Variants in STPG2 observed in about 807,000 individuals in gnomAD.
STPG2 encodes the protein sperm-tail PG-rich repeat-containing protein 2.
Under a neutral mutation model 54.2 loss-of-function variants are expected in STPG2, and 56 were observed. The observed-to-expected ratio is 1.03, with a 90% CI of 0.83 to 1.29. The LOEUF is 1.29. Ranked by LOEUF, STPG2 falls within the 50% of genes most tolerant of loss-of-function variation. The pLI, the probability that STPG2 is intolerant of heterozygous loss-of-function variation, is 0.00. For synonymous variants in STPG2, 200 were observed against 181.8 expected (o/e 1.10, Z -0.81); for missense variants, 596 against 544.9 (o/e 1.09, Z -0.93).
intron 8 of STPG2, among the ~76,000 whole-genome samples, chr4:97,908,502 A>G (rs1041730594): frequency 2.3e-4 from 35 of 151,798 alleles, no homozygotes; most frequent in Non-Finnish European, 4.4e-4. Flanking sequence ...TGACCCAGCC[A>G]TCCCATTACT....
At chr4:97,676,052 TATATATACTAA>T (rs892876633) in intron 10 of STPG2, among the ~76,000 whole-genome samples, 8 of 145,410 alleles carry the variant, frequency 5.5e-5, no homozygotes, top group African/African-American at 2.0e-4. Flanking sequence ...ATTACTAAAA[TATATATACTAA>T]ATATATACTA....
At chr4:97,498,043 T>C (rs1378456154) in intron 4 of STPG2, among the ~76,000 whole-genome samples, 1 of 151,908 alleles carries the variant, frequency 6.6e-6, no homozygotes, top group South Asian at 2.1e-4. Context: ...AAGTGAACTC[T>C]AGTGAAAGAT....
chr4:97,744,962 A>G (rs973816679), intron 9 of STPG2, among the ~76,000 whole-genome samples: 2 of 151,268 alleles, frequency 1.3e-5, no homozygotes, highest in African/African-American at 2.4e-5. Flanking sequence ...ATAAAACAAC[A>G]CTGCAATGCT....
chr4:98,020,777 T>C (rs1023855176), intron 5 of STPG2, among the ~76,000 whole-genome samples: 5 of 152,216 alleles, frequency 3.3e-5, no homozygotes, highest in Admixed American at 2.6e-4. Context: ...ATTTATCCAT[T>C]TCTTCAAGAT....
intron 10 of STPG2, among the ~76,000 whole-genome samples, chr4:97,632,299 T>A (rs1578438196): frequency 1.3e-5 from 2 of 151,356 alleles, no homozygotes; most frequent in Non-Finnish European, 3.0e-5. Flanking sequence ...TTTTTTTTTT[T>A]ATTTCTGAGC....
chr4:98,068,647 T>TTCTTCTAATTC (rs1737905282), intron 5 of STPG2, among the ~76,000 whole-genome samples: 1 of 152,110 alleles, frequency 6.6e-6, no homozygotes, highest in African/African-American at 2.4e-5. Context: ...GTTCCAGAAG[T>TTCTTCTAATTC]TGTGTGTAGG....
rs187553197 is a variant in STPG2, at chr4:97,852,532, C to T, written c.1045-11600G>A. ...TTATCCTGTGAGATTGTCAGTGAGACGAATTGTAGAACTATTCATATTTGG... is the reference window on the plus strand; with the variant it reads ...TTATCCTGTGAGATTGTCAGTGAGATGAATTGTAGAACTATTCATATTTGG... On this transcript the variant is annotated intron_variant, in intron 8 of 10. Coordinates refer to ENST00000295268, the MANE Select transcript of STPG2 (RefSeq NM_174952.3). Among the ~76,000 whole-genome samples, 12 of 152,192 alleles carry T rather than the reference C, an allele frequency of 7.9e-5. 1 individual carries two copies. The highest frequency in any genetic ancestry group is 3.9e-4 in the Admixed American group (6 of 15,280).
chr4:97,734,422 C>T (rs1724905576), intron 9 of STPG2, among the ~76,000 whole-genome samples: 1 of 152,162 alleles, frequency 6.6e-6, no homozygotes, highest in South Asian at 2.1e-4. Flanking sequence ...CTCCTCCCAA[C>T]CTCCACTCTC....
intron 7 of STPG2, among the ~76,000 whole-genome samples, chr4:97,971,427 T>G (rs201445108): frequency 6.6e-6 from 1 of 152,014 alleles, no homozygotes; most frequent in Non-Finnish European, 1.5e-5. Context: ...GATAGACTAG[T>G]TTAAGAAAAT....
chr4:97,917,038 A>G (rs1215232677), intron 8 of STPG2: 1 of 152,654 alleles, frequency 6.6e-6, no homozygotes, highest in African/African-American at 2.4e-5. Flanking sequence ...TCAGTGACAC[A>G]TTCTTCAGCC....
intron 8 of STPG2, among the ~76,000 whole-genome samples, chr4:97,923,306 C>T (rs1450867724): frequency 2.0e-5 from 3 of 151,886 alleles, no homozygotes; most frequent in Non-Finnish European, 2.9e-5. Flanking sequence ...CCTCCCACCC[C>T]CCCCGCCATG....
At position 97,856,513 on chromosome 4, in the gene STPG2, A is replaced by G. The variant is rs116110266; in HGVS notation, c.1045-15581T>C. ...GGCAATTTTTGCACATTGATTTTGTATCCCCAGAGTTTGCTGAAGTTGTTT... is the reference window on the plus strand; with the variant it reads ...GGCAATTTTTGCACATTGATTTTGTGTCCCCAGAGTTTGCTGAAGTTGTTT... On this transcript the variant is annotated intron_variant, in intron 8 of 10. Transcript: ENST00000295268. Among the ~76,000 whole-genome samples, 648 of 152,312 alleles carry G rather than the reference A, an allele frequency of 4.3e-3. 5 individuals carry two copies. Among genetic ancestry groups the G allele is most frequent in the African/African-American group, 0.015 (618 of 41,566 alleles).
At chr4:97,549,613 T>C (rs1198933985) in intron 4 of STPG2, among the ~76,000 whole-genome samples, 1 of 152,174 alleles carries the variant, frequency 6.6e-6, no homozygotes, top group African/African-American at 2.4e-5. Flanking sequence ...CAGGTGAGCA[T>C]TTCAAGAAGA....
rs1028139143 is a variant in STPG2 at position 97,454,948 on chromosome 4, A to G, written c.462+257751T>C. On this transcript the variant is annotated intron_variant, in intron 4 of 4. Coordinates refer to the STPG2 transcript ENST00000522676. The stretch of plus-strand genomic sequence containing the variant: ...GTATATTTGGTTCTAAAACATGCCT[A>G]CTGTTTACTAGCAAAAATATTCCTA... Among the ~76,000 whole-genome samples, 5 of 152,324 alleles carry G rather than the reference A, an allele frequency of 3.3e-5. No individual in the cohort carries two copies. The South Asian group carries it at 6.2e-4, about 19-fold the overall frequency.
chr4:97,456,352 A>T (rs1305302454), intron 4 of STPG2, among the ~76,000 whole-genome samples: 2 of 151,870 alleles, frequency 1.3e-5, no homozygotes, highest in Admixed American at 6.6e-5. Flanking sequence ...GCCAAGGGGG[A>T]AAGTGCCATG....
At chr4:97,474,413 G>A (rs60101969) in intron 4 of STPG2, among the ~76,000 whole-genome samples, 1 of 152,080 alleles carries the variant, frequency 6.6e-6, no homozygotes. Flanking sequence ...GATTCCTGTG[G>A]GATGGTCATT....
intron 9 of STPG2, among the ~76,000 whole-genome samples, chr4:97,763,415 AT>A (rs1725947027): frequency 6.6e-6 from 1 of 152,198 alleles, no homozygotes; most frequent in South Asian, 2.1e-4. Context: ...AGCAGGAAGG[AT>A]TTTAAAGTTT....
At chr4:98,027,186 C>T (rs1203948663) in intron 5 of STPG2, among the ~76,000 whole-genome samples, 1 of 152,166 alleles carries the variant, frequency 6.6e-6, no homozygotes, top group Non-Finnish European at 1.5e-5. Flanking sequence ...AATTTAGTAG[C>T]TTAAAATAAC....
chr4:97,742,565 G>GACA, intron 9 of STPG2, among the ~76,000 whole-genome samples: 1 of 118,276 alleles, frequency 8.5e-6, no homozygotes, highest in South Asian at 2.7e-4. Flanking sequence ...GTGTGTGTGT[G>GACA]TCTATATATA....
Sources: allele counts gnomAD v4.1 joint callset (sites outside exome capture counted in the v4.1 genomes callset), GRCh38; gene constraint gnomAD v4.1.1; transcripts MANE v1.5; gene names NCBI Gene and HGNC (gene_info 2026-07-23, HGNC 2026-07-21).